The following POLH variants were observed in gnomAD, a reference collection of about 807,000 sequenced individuals.
POLH encodes DNA polymerase eta.
POLH carries 53 observed loss-of-function variants against 73.6 expected under a neutral mutation model. The observed-to-expected ratio is 0.72, with a 90% CI of 0.58 to 0.91. The LOEUF is 0.91. Ranked by LOEUF, POLH falls within the 40% of genes least tolerant of loss-of-function variation. The pLI, the probability that POLH is intolerant of heterozygous loss-of-function variation, is 0.00. For synonymous variants in POLH, 292 were observed against 308.5 expected, an observed-to-expected ratio of 0.95 and a Z score of 0.56; for missense variants, 768 against 865.4, an observed-to-expected ratio of 0.89 and a Z score of 1.41.
At chr6:43,606,389 C>T (rs1427592734) in intron 9 of POLH, among the ~76,000 whole-genome samples, 1 of 151,658 alleles carries the variant, frequency 6.6e-6, no homozygotes, top group Non-Finnish European at 1.5e-5. Context: ...GAGCATTGTA[C>T]ATTTTTCTTT....
At chr6:43,589,239 C>T (rs558663487) in intron 4 of POLH, among the ~76,000 whole-genome samples, 8 of 152,146 alleles carry the variant, frequency 5.3e-5, no homozygotes, top group Non-Finnish European at 1.2e-4. Flanking sequence ...TTACTTGCAG[C>T]GTAATCCATG....
chr6:43,578,616 T>C lies in POLH; in HGVS notation c.-5+2176T>C, dbSNP rs570370804. 2.1e-4 allele frequency among the ~76,000 whole-genome samples: 32 copies of C among 152,302 alleles called. 1 individual carries two copies. In the South Asian group the frequency reaches 4.8e-3, roughly 23 times the overall value. ...GCAGTAAAGTATGTAGTTAATAATA[T>C]GCCAATGTTCATTTTTAAATTTTGG... On this transcript the variant is annotated intron_variant, in intron 1 of 10. Transcript: ENST00000372236.
chr6:43,588,028 G>A (rs139245541), intron 4 of POLH, among the ~76,000 whole-genome samples: 41 of 152,276 alleles, frequency 2.7e-4, no homozygotes, highest in Middle Eastern at 3.4e-3. Flanking sequence ...GGGAGACTCC[G>A]TCTCAAAAAA....
Position 43,615,153 on chromosome 6 carries a change from T to G in POLH, c.*596T>G, listed in dbSNP as rs1418607437. ...CGTTCCAGGCACCTGTGATCCCAGCTACTTAGAGGCTGAGGCAGAAGAATT... is the reference window on the plus strand; with the variant it reads ...CGTTCCAGGCACCTGTGATCCCAGCGACTTAGAGGCTGAGGCAGAAGAATT... On this transcript the variant is annotated 3_prime_UTR_variant, in exon 11 of 11. Coordinates refer to ENST00000372236, the MANE Select transcript of POLH (RefSeq NM_006502.3). 1 of 153,064 alleles carries G rather than the reference T, an allele frequency of 6.5e-6. No homozygotes were observed. The highest frequency in any genetic ancestry group is 1.5e-5 in the Non-Finnish European group (1 of 68,772). The allele number at this position is 153,064 out of a possible 1,614,324, so 9.5% of individuals were successfully genotyped here. A position where few individuals can be genotyped will look rare whatever the true frequency, so the allele number is the denominator to read the frequency against.
chr6:43,581,821 A>G (rs1388651429), intron 1 of POLH, among the ~76,000 whole-genome samples: 4 of 150,954 alleles, frequency 2.6e-5, no homozygotes, highest in Non-Finnish European at 4.4e-5. Context: ...CGCGGCCACC[A>G]TGGCCGGACG....
In POLH at chr6:43,601,090, A is replaced by T. The variant is rs771570891; in HGVS notation, c.763A>T (p.Ile255Phe). Reference sequence around the variant, plus strand: ...CTTCAGCCAAATGCCCATTCGCAAAATGTAAGTATTCAGGCAGCATGTTAA... The same window carrying T: ...CTTCAGCCAAATGCCCATTCGCAAATTGTAAGTATTCAGGCAGCATGTTAA... ...QLFSQMPIRK[I>F]RSLGGKLGAS... is the part of the protein sequence containing the mutation. Residue 255 changes from isoleucine (I) to phenylalanine (F), a missense_variant and splice_region_variant, in exon 6 of 11, where the codon ATC becomes TTC. Ile to Phe is a conservative substitution (Grantham distance 21, BLOSUM62 0). Coordinates refer to ENST00000372236, the MANE Select transcript of POLH (RefSeq NM_006502.3). The T allele has an allele frequency of 6.8e-5, 109 of 1,594,818 alleles. No individual in the cohort carries two copies. The Admixed American group carries it at 1.7e-3, about 24-fold the overall frequency.
chr6:43,602,178 C>T (rs1322847245), intron 6 of POLH, among the ~76,000 whole-genome samples: 1 of 152,102 alleles, frequency 6.6e-6, no homozygotes, highest in African/African-American at 2.4e-5. Flanking sequence ...TCTTTTCTTT[C>T]CTCTAATAGC....
rs1234761239 is a variant in POLH, at chr6:43,618,761, G to C, written c.*4204G>C. ...TTCTCCTGCATCAGCCTCCTGAGTAGCTGGGATTATAGGCATGCACCATCA... is the reference window on the plus strand; with the variant it reads ...TTCTCCTGCATCAGCCTCCTGAGTACCTGGGATTATAGGCATGCACCATCA... On this transcript the variant is annotated 3_prime_UTR_variant, in exon 11 of 11. Transcript: ENST00000372236. Among the ~76,000 whole-genome samples the C allele has an allele frequency of 6.6e-6, 1 of 152,120 alleles. No individual in the cohort carries two copies. Among genetic ancestry groups the C allele is most frequent in the East Asian group, 1.9e-4 (1 of 5,180 alleles).
In POLH at chr6:43,614,462, A is replaced by G. The variant is rs1213392656; in HGVS notation, c.2047A>G (p.Arg683Gly). Residue 683 changes from arginine (R) to glycine (G), a missense_variant, in exon 11 of 11, where the codon AGA (arginine) becomes GGA (glycine). By Grantham distance (125) the Arg-to-Gly change is moderately radical. Transcript: ENST00000372236. Reference sequence around the variant, plus strand: ...TTCTGCCGTATCTCATCAAGGCAAAAGAAATCCCAAGAGCCCTTTGGCCTG... The same window carrying G: ...TTCTGCCGTATCTCATCAAGGCAAAGGAAATCCCAAGAGCCCTTTGGCCTG... ...VVSAVSHQGK[R>G]NPKSPLACTN... is the part of the protein sequence containing the mutation. The G allele has an allele frequency of 6.2e-6, 10 of 1,614,102 alleles. No individual in the cohort carries two copies. The highest frequency in any genetic ancestry group is 8.5e-6 in the Non-Finnish European group (10 of 1,180,058).
chr6:43,604,875 G>A (rs979405477), intron 8 of POLH, 137 bp downstream of exon 8: 6 of 883,406 alleles, frequency 6.8e-6, no homozygotes, highest in Non-Finnish European at 1.1e-5. Context: ...TCCTTGGGTT[G>A]AAAATTGACT....
intron 5 of POLH, among the ~76,000 whole-genome samples, chr6:43,599,249 A>G (rs1426796837): frequency 6.6e-6 from 1 of 152,038 alleles, no homozygotes; most frequent in Non-Finnish European, 1.5e-5. Context: ...TCGGCCTCCC[A>G]AAGTGCTGGG....
At chr6:43,589,689 C>T (rs1765227269) in intron 4 of POLH, among the ~76,000 whole-genome samples, 1 of 143,230 alleles carries the variant, frequency 7.0e-6, no homozygotes, top group Non-Finnish European at 1.5e-5. Context: ...GGCTGGAGTG[C>T]AGTGGCTATC....
Position 43,615,819 on chromosome 6 carries a change from C to T in POLH, c.*1262C>T, listed in dbSNP as rs1340683217. Among the ~76,000 whole-genome samples, 10 of 151,606 alleles carry T rather than the reference C, an allele frequency of 6.6e-5. No individual in the cohort carries two copies. The highest frequency in any genetic ancestry group is 2.1e-4 in the South Asian group (1 of 4,788). On this transcript the variant is annotated 3_prime_UTR_variant, in exon 11 of 11. Transcript: ENST00000372236. ...TCCCAAGTAGCTGGGACTACAGGCA[C>T]GTGCTACCACACTCAGCTAATTTTT...
At chr6:43,598,617 G>A (rs1473766052) in intron 5 of POLH, among the ~76,000 whole-genome samples, 2 of 149,392 alleles carry the variant, frequency 1.3e-5, no homozygotes, top group Non-Finnish European at 3.0e-5. Context: ...CTGGGCGACA[G>A]AGCAAAGACT....
chr6:43,595,470 G>A (rs1019719405), intron 4 of POLH, among the ~76,000 whole-genome samples: 5 of 151,984 alleles, frequency 3.3e-5, no homozygotes, highest in Admixed American at 6.6e-5. Context: ...TTCCTTGGCC[G>A]GGCGCAGTGG....
At position 43,615,685 on chromosome 6, in the gene POLH, TA is replaced by T. The variant is rs1241180751; in HGVS notation, c.*1129del. ...AGGGATTATTTTTATTTTTATTTTT[TA>T]TTTTTGAGACGGAGTCTCCCTCTGT... is the stretch of plus-strand genomic sequence containing the variant. On this transcript the variant is annotated 3_prime_UTR_variant, in exon 11 of 11. Coordinates refer to ENST00000372236, the MANE Select transcript of POLH (RefSeq NM_006502.3). 6.6e-6 allele frequency: 1 copy of T among 152,018 alleles called. No homozygotes were observed. Among genetic ancestry groups the T allele is most frequent in the African/African-American group, 2.4e-5 (1 of 41,418 alleles). 9.4% of individuals were successfully genotyped at this position (152,018 alleles called of 1,614,324 possible). A position where few individuals can be genotyped will look rare whatever the true frequency, so the allele number is the denominator to read the frequency against.
Position 43,582,392 on chromosome 6 carries a change from C to G in POLH, c.73C>G (p.Gln25Glu), listed in dbSNP as rs1343571221. Reference sequence around the variant, plus strand: ...TTTTTTTGTTCAAGTGGAGCAGCGGCAAAATCCTCATTTGAGGAATAAACC... The same window carrying G: ...TTTTTTTGTTCAAGTGGAGCAGCGGGAAAATCCTCATTTGAGGAATAAACC... Reference protein sequence around the residue: ...DCFFVQVEQRQNPHLRNKPCA... With the variant: ...DCFFVQVEQRENPHLRNKPCA... Residue 25 changes from glutamine to glutamate, a missense_variant, in exon 2 of 11, where the codon CAA becomes GAA. Physicochemically the swap from Gln to Glu is conservative, Grantham distance 29. Transcript: ENST00000372236. 6.2e-7 allele frequency: 1 copy of G among 1,613,784 alleles called. No individual in the cohort carries two copies. The highest frequency in any genetic ancestry group is 1.7e-5 in the Admixed American group (1 of 60,008).
In POLH at chr6:43,619,364, CAAAAAAAAAAAAA is replaced by C. The variant is rs60046548; in HGVS notation, c.*4825_*4837del. Among the ~76,000 whole-genome samples the C allele has an allele frequency of 3.0e-4, 11 of 37,082 alleles. No individual in the cohort carries two copies. Among genetic ancestry groups the C allele is most frequent in the Middle Eastern group, 0.015 (1 of 66 alleles). 24.3% of individuals were successfully genotyped at this position (37,082 alleles called of 152,430 possible). On this transcript the variant is annotated 3_prime_UTR_variant, in exon 11 of 11. Transcript: ENST00000372236. ...TGGGTGACAGTCTGAGACCCTGTCT[CAAAAAAAAAAAAA>C]AAAAAAAAAAAAAAAAAGACTACAT...
intron 3 of POLH, among the ~76,000 whole-genome samples, chr6:43,585,755 C>T (rs1266547664): frequency 6.6e-6 from 1 of 150,646 alleles, no homozygotes. Context: ...AAGTGATTCT[C>T]CTGCCTCAGC....
Sources: gnomAD v4.1 joint callset for allele counts (sites outside exome capture counted in the v4.1 genomes callset) on GRCh38, gnomAD v4.1.1 for gene constraint, MANE v1.5 for transcripts, NCBI Gene and HGNC (gene_info 2026-07-23, HGNC 2026-07-21) for gene names.